CAPN14: variants seen among roughly 807,000 people sequenced by gnomAD.
The protein encoded by CAPN14 is calpain 14.
In CAPN14, 94 loss-of-function variants were observed where a neutral mutation model predicts 101.3. That is an observed-to-expected ratio of 0.93 (90% confidence interval 0.79 to 1.10). CAPN14 has a LOEUF of 1.10. Ranked by LOEUF, CAPN14 falls within the 50% of genes least tolerant of loss-of-function variation. The pLI is 0.00. For missense variants in CAPN14, 837 were observed against 828.4 expected, an observed-to-expected ratio of 1.01 and a Z score of -0.13; for synonymous variants, 338 against 317.9, an observed-to-expected ratio of 1.06 and a Z score of -0.67.
At chr2:31,213,106 T>C (rs1331075980) in intron 1 of CAPN14, among the ~76,000 whole-genome samples, 4 of 152,220 alleles carry the variant, frequency 2.6e-5, no homozygotes, top group Non-Finnish European at 5.9e-5. Flanking sequence ...TTTTGTGTAA[T>C]AGGTGGTGTG....
intron 8 of CAPN14, among the ~76,000 whole-genome samples, chr2:31,196,679 T>A (rs1321316547): frequency 1.3e-5 from 2 of 152,212 alleles, no homozygotes; most frequent in African/African-American, 4.8e-5. Context: ...GTGTCTAGCC[T>A]GCAAAACCCG....
At chr2:31,194,045 G>A (rs1030656639) in intron 9 of CAPN14, among the ~76,000 whole-genome samples, 3 of 152,164 alleles carry the variant, frequency 2.0e-5, no homozygotes, top group Non-Finnish European at 2.9e-5. Flanking sequence ...CACTGGTCAG[G>A]GGCCTATCCT....
chr2:31,220,410 C>G (rs767749599), upstream of CAPN14, among the ~76,000 whole-genome samples: 1 of 152,184 alleles, frequency 6.6e-6, no homozygotes, highest in Non-Finnish European at 1.5e-5. Context: ...CTCCCTTTGC[C>G]AACATAAGAG....
rs1428193811 is a variant in CAPN14, at chr2:31,189,407, C to A, written c.1359G>T (p.Arg453Ser). Residue 453 changes from arginine to serine, a missense_variant, in exon 13 of 22, where the codon AGG becomes AGT. By Grantham distance (110) the Arg-to-Ser change is moderately radical (BLOSUM62 -1). Transcript: ENST00000403897. ...QRNTPLSQPD[R>S]FLKEKEVSQE... ...GACTCACTTCTTTCTCCTTGAGAAACCTATCAGGCTGGCTCAGAGGAGTGT... is the reference window on the plus strand; with the variant it reads ...GACTCACTTCTTTCTCCTTGAGAAAACTATCAGGCTGGCTCAGAGGAGTGT... 6.4e-7 allele frequency: 1 copy of A among 1,551,570 alleles called. No homozygotes were observed. The highest frequency in any genetic ancestry group is 1.4e-5 in the African/African-American group (1 of 73,034).
At position 31,177,795 on chromosome 2, in the gene CAPN14, C is replaced by T. The variant is rs1680383632; in HGVS notation, c.1806G>A (p.Gly602=). ...SQKVFHKQDR[G]SGYLNWEQLH... ...GCTGCTCCCAGTTCAGGTATCCTGA[C>T]CCACGGTCTTGCTTGTGGAAAACCT... Residue 602 remains glycine, a synonymous_variant, in exon 19 of 22, where the codon GGG becomes GGA. Transcript: ENST00000403897. 1.3e-6 allele frequency: 2 copies of T among 1,552,026 alleles called. No individual in the cohort carries two copies. The highest frequency in any genetic ancestry group is 1.7e-6 in the Non-Finnish European group (2 of 1,147,044).
At chr2:31,204,089 T>G (rs1467701333) in intron 2 of CAPN14, among the ~76,000 whole-genome samples, 3 of 152,216 alleles carry the variant, frequency 2.0e-5, no homozygotes, top group South Asian at 4.1e-4. Context: ...TGGCTGTGAC[T>G]CAGGAAGCCT....
chr2:31,180,813 G>A, intron 17 of CAPN14, 123 bp downstream of exon 17: 1 of 776,148 alleles, frequency 1.3e-6, no homozygotes, highest in Non-Finnish European at 2.1e-6. Flanking sequence ...ATGAGGCTCA[G>A]TGGCTTGTCC....
Position 31,192,069 on chromosome 2 carries a change from G to A in CAPN14, c.1144C>T (p.Leu382=). The change falls in exon 11 of 22, where the codon CTG becomes TTG. Residue 382 remains leucine, a synonymous_variant. Transcript: ENST00000403897. ...CCCTCCTCGGGCCTCCAGACAGACAGCAGGAACTGCGGGTTCTTCCAAAAT... is the reference window on the plus strand; with the variant it reads ...CCCTCCTCGGGCCTCCAGACAGACAACAGGAACTGCGGGTTCTTCCAAAAT... ...DTFWKNPQFL[L]SVWRPEEGRR... 1 of 1,550,558 alleles carries A rather than the reference G, an allele frequency of 6.4e-7. No individual in the cohort carries two copies. Among genetic ancestry groups the A allele is most frequent in the Non-Finnish European group, 8.7e-7 (1 of 1,146,454 alleles).
Position 31,203,134 on chromosome 2 carries a change from C to T in CAPN14, c.231G>A (p.Leu77=). The part of the protein sequence containing the change: ...PRLQWKRPPE[L]HSNPQFYFAK... ...CAAAATAAAACTGGGGATTGCTGTGCAGCTCCTGGGAAAGACAAACAGAAT... is the reference window on the plus strand; with the variant it reads ...CAAAATAAAACTGGGGATTGCTGTGTAGCTCCTGGGAAAGACAAACAGAAT... Residue 77 remains leucine (L), a synonymous_variant, in exon 3 of 22, where the codon CTG becomes CTA. Transcript: ENST00000403897. 1 of 1,551,500 alleles carries T rather than the reference C, an allele frequency of 6.4e-7. No homozygotes were observed. The highest frequency in any genetic ancestry group is 8.7e-7 in the Non-Finnish European group (1 of 1,146,818).
rs1433817598 is a variant in CAPN14, at chr2:31,202,156, T to G, written c.392A>C (p.Tyr131Ser). The G allele has an allele frequency of 2.6e-6, 4 of 1,551,832 alleles. No individual in the cohort carries two copies. Among genetic ancestry groups the G allele is most frequent in the Non-Finnish European group, 3.5e-6 (4 of 1,146,968 alleles). ...VPLNQSFTEK[Y>S]AGIFRFWFWH... is the part of the protein sequence containing the mutation. ...CACCCAGAACCGGAAGATGCCAGCA[T>G]ACTTCTCAGTGAAACTCTGATTCAG... Residue 131 changes from tyrosine (Y) to serine (S), a missense_variant, in exon 4 of 22, where the codon TAT becomes TCT. Tyr to Ser is a moderately radical substitution (Grantham distance 144, BLOSUM62 -2). Coordinates refer to ENST00000403897, the MANE Select transcript of CAPN14 (RefSeq NM_001145122.2).
upstream of CAPN14, among the ~76,000 whole-genome samples, chr2:31,220,025 C>T (rs369844642): frequency 9.8e-5 from 15 of 152,306 alleles, no homozygotes; most frequent in African/African-American, 3.6e-4. Flanking sequence ...TCAAAATTCT[C>T]ATTCCTTCAG....
chr2:31,230,445 C>G lies in CAPN14; in HGVS notation c.-177+3346G>C, dbSNP rs1402972121. Among the ~76,000 whole-genome samples, 2 of 152,192 alleles carry G rather than the reference C, an allele frequency of 1.3e-5. No homozygotes were observed. Among genetic ancestry groups the G allele is most frequent in the Non-Finnish European group, 2.9e-5 (2 of 68,046 alleles). Reference sequence around the variant, plus strand: ...TCACTAAGCAATGCCAAACTGTTTCCCAAAGTATTTGTGCCAGCCTGCACG... The same window carrying G: ...TCACTAAGCAATGCCAAACTGTTTCGCAAAGTATTTGTGCCAGCCTGCACG... On this transcript the variant is annotated intron_variant and NMD_transcript_variant, in intron 1 of 21. Coordinates refer to the CAPN14 transcript ENST00000398824. This position sits in a 1 kb window ranked among gnomAD's most constrained non-coding sequence, Gnocchi z 4.3.
intron 2 of CAPN14, chr2:31,226,513 G>A (rs775375155): frequency 7.2e-5 from 11 of 152,222 alleles, no homozygotes; most frequent in Non-Finnish European, 4.4e-5. Context: ...AGACAGACAT[G>A]TAAACAACAC....
intron 8 of CAPN14, among the ~76,000 whole-genome samples, chr2:31,196,719 A>G (rs1681486646): frequency 6.6e-6 from 1 of 152,178 alleles, no homozygotes; most frequent in Admixed American, 6.5e-5. Flanking sequence ...TTAGGCAGAA[A>G]CAACCTAAAT....
intron 13 of CAPN14, 125 bp downstream of exon 13, chr2:31,189,148 G>T (rs1288727018): frequency 1.2e-6 from 1 of 824,528 alleles, no homozygotes; most frequent in Non-Finnish European, 2.0e-6. Flanking sequence ...CTGGTCTCCT[G>T]CTCTCCCCAT....
intron 8 of CAPN14, among the ~76,000 whole-genome samples, chr2:31,194,813 G>T (rs994459426): frequency 6.6e-6 from 1 of 152,196 alleles, no homozygotes; most frequent in Non-Finnish European, 1.5e-5. Context: ...ATTTGAACTT[G>T]CATTTTTCAA....
In CAPN14 at chr2:31,189,258, A is replaced by G; in HGVS notation, c.1493+15T>C. The G allele has an allele frequency of 6.5e-7, 1 of 1,549,682 alleles. No individual in the cohort carries two copies. The highest frequency in any genetic ancestry group is 1.2e-5 in the South Asian group (1 of 83,984). ...AAGTGGTCCCCACCCTCTAGGAGAG[A>G]CCTTGTGTCCTTACTAAAAGATGTG... On this transcript the variant is annotated intron_variant, in intron 13 of 21. Coordinates refer to ENST00000403897, the MANE Select transcript of CAPN14 (RefSeq NM_001145122.2).
At position 31,192,109 on chromosome 2, in the gene CAPN14, A is replaced by C. The variant is rs1476829971; in HGVS notation, c.1115-11T>G. 1 of 1,537,916 alleles carries C rather than the reference A, an allele frequency of 6.5e-7. No individual in the cohort carries two copies. The highest frequency in any genetic ancestry group is 8.8e-7 in the Non-Finnish European group (1 of 1,139,362). ...TCTTCCAAAATGTGTCTGGAGCAGAACACAGCAAGGTGAGAATGGGCCCCG... is the reference window on the plus strand; with the variant it reads ...TCTTCCAAAATGTGTCTGGAGCAGACCACAGCAAGGTGAGAATGGGCCCCG... On this transcript the variant is annotated splice_polypyrimidine_tract_variant and intron_variant, in intron 10 of 21. Coordinates refer to ENST00000403897, the MANE Select transcript of CAPN14 (RefSeq NM_001145122.2).
At chr2:31,198,523 G>A (rs1356361478) in intron 7 of CAPN14, among the ~76,000 whole-genome samples, 4 of 152,188 alleles carry the variant, frequency 2.6e-5, no homozygotes, top group East Asian at 3.8e-4. Flanking sequence ...ATGAGTCCAC[G>A]TTTGTAAGGC....
Sources: gnomAD v4.1 joint callset for allele counts (sites outside exome capture counted in the v4.1 genomes callset) on GRCh38, gnomAD v4.1.1 for gene constraint, Gnocchi (gnomAD v3.1) non-coding constraint, MANE v1.5 for transcripts, NCBI Gene and HGNC (gene_info 2026-07-23, HGNC 2026-07-21) for gene names.